Variants in NBAS observed in about 807,000 individuals in gnomAD.
The protein encoded by NBAS is NBAS subunit of NRZ tethering complex, also known as NAG/BC035112 fusion.
In NBAS, 219 loss-of-function variants were observed where a neutral mutation model predicts 302.5. The observed-to-expected ratio is 0.72, with a 90% CI of 0.65 to 0.81. The LOEUF is 0.81. Among genes scored for constraint, NBAS ranks in the 30% least tolerant of loss-of-function variants. The pLI is 0.00. For synonymous variants in NBAS, 1,118 were observed against 1,021.6 expected (o/e 1.09, Z -1.80); for missense variants, 2,932 against 2,841.6 (o/e 1.03, Z -0.72).
intron 44 of NBAS, among the ~76,000 whole-genome samples, chr2:15,241,290 T>C (rs895918680): frequency 1.3e-5 from 2 of 152,168 alleles, no homozygotes; most frequent in African/African-American, 4.8e-5. Flanking sequence ...TCCTAGCCTA[T>C]TGTGTGATAT....
intron 21 of NBAS, among the ~76,000 whole-genome samples, chr2:15,430,822 T>A (rs1420336738): frequency 6.6e-6 from 1 of 152,040 alleles, no homozygotes; most frequent in Non-Finnish European, 1.5e-5. Context: ...TTTTTTCTTT[T>A]TTGAGATGGA....
chr2:15,513,619 CA>C (rs1478354395), intron 9 of NBAS, among the ~76,000 whole-genome samples: 3 of 145,266 alleles, frequency 2.1e-5, no homozygotes, highest in Admixed American at 2.0e-4. Context: ...TTTTTTTTTT[CA>C]GAACCCACAC....
At chr2:14,855,738 A>C in the NBAS span, among the ~76,000 whole-genome samples, 1 of 152,172 alleles carries the variant, frequency 6.6e-6, no homozygotes, top group African/African-American at 2.4e-5. Flanking sequence ...TTTGACTGCC[A>C]GGTCAGGCAC....
intron 47 of NBAS, among the ~76,000 whole-genome samples, chr2:15,220,041 C>A (rs1282866576): frequency 2.0e-5 from 3 of 146,454 alleles, no homozygotes; most frequent in Non-Finnish European, 4.5e-5. Flanking sequence ...CTGATCCCCC[C>A]ACCTCCCTCC....
intron 32 of NBAS, among the ~76,000 whole-genome samples, chr2:15,358,977 T>G (rs1673763616): frequency 6.6e-6 from 1 of 152,160 alleles, no homozygotes; most frequent in South Asian, 2.1e-4. Flanking sequence ...CTAACTGAAT[T>G]TATCTTATCT....
intron 48 of NBAS, among the ~76,000 whole-genome samples, chr2:15,198,053 C>T (rs931733215): frequency 3.3e-5 from 5 of 152,184 alleles, no homozygotes; most frequent in Non-Finnish European, 7.4e-5. Context: ...AAAATGAACA[C>T]ACACAAAGTA....
chr2:15,076,611 C>T, the NBAS span, among the ~76,000 whole-genome samples: 14 of 152,272 alleles, frequency 9.2e-5, no homozygotes, highest in Admixed American at 5.9e-4. Flanking sequence ...CATGTCACTG[C>T]GGCATTGAGC....
At chr2:15,535,423 G>A (rs201905253) in intron 8 of NBAS, among the ~76,000 whole-genome samples, 1 of 152,010 alleles carries the variant, frequency 6.6e-6, no homozygotes, top group East Asian at 1.9e-4. Flanking sequence ...TTGAGACACT[G>A]AGGCAGGAGA....
At chr2:14,968,717 G>A in the NBAS span, among the ~76,000 whole-genome samples, 1 of 152,180 alleles carries the variant, frequency 6.6e-6, no homozygotes, top group East Asian at 1.9e-4. Context: ...AGAATGAGGA[G>A]AAATTGGAAC....
chr2:15,369,524 G>C (rs984676073), intron 31 of NBAS, among the ~76,000 whole-genome samples: 3 of 152,130 alleles, frequency 2.0e-5, no homozygotes, highest in African/African-American at 7.2e-5. Flanking sequence ...ATTTACTTAC[G>C]TATTTTCTGA....
the NBAS span, among the ~76,000 whole-genome samples, chr2:14,792,675 TA>T: frequency 0.057 from 8,298 of 146,608 alleles, 236 homozygotes; most frequent in Non-Finnish European, 0.062. Context: ...CTATGGAAAT[TA>T]AAAAAAAAAA....
the NBAS span, among the ~76,000 whole-genome samples, chr2:15,159,803 GCACACA>G: frequency 0.014 from 2,093 of 147,398 alleles, 29 homozygotes; most frequent in East Asian, 0.047. Flanking sequence ...ACACACGCGT[GCACACA>G]CACACACACA....
At chr2:15,383,181 A>G (rs778349038) in intron 29 of NBAS, 34 bp downstream of exon 29, 9 of 1,502,522 alleles carry the variant, frequency 6.0e-6, no homozygotes, top group Non-Finnish European at 8.2e-6. Flanking sequence ...AAATTGTTAA[A>G]TTAAAAAAAA....
At chr2:15,034,468 C>T in the NBAS span, among the ~76,000 whole-genome samples, 7,880 of 152,048 alleles carry the variant, frequency 0.052, 446 homozygotes, top group African/African-American at 0.12. Context: ...GCTTTCAGAA[C>T]TGTGAAAAAT....
intron 28 of NBAS, among the ~76,000 whole-genome samples, chr2:15,388,598 G>T (rs1322708359): frequency 2.6e-5 from 4 of 152,004 alleles, no homozygotes. Context: ...TTGAACTCAG[G>T]TACATCCTAT....
At chr2:15,434,583 G>A (rs1456605088) in intron 21 of NBAS, among the ~76,000 whole-genome samples, 4 of 152,138 alleles carry the variant, frequency 2.6e-5, no homozygotes, top group African/African-American at 4.8e-5. Flanking sequence ...TGTTATATAC[G>A]TAAAATGTTT....
the NBAS span, among the ~76,000 whole-genome samples, chr2:15,053,361 C>G: frequency 6.6e-6 from 1 of 152,176 alleles, no homozygotes; most frequent in Non-Finnish European, 1.5e-5. Context: ...CAGGAAGGAA[C>G]TCAGGGGCCC....
At chr2:14,929,158 C>T in the NBAS span, among the ~76,000 whole-genome samples, 2 of 152,134 alleles carry the variant, frequency 1.3e-5, no homozygotes, top group African/African-American at 4.8e-5. Context: ...CCATCCCAGA[C>T]TTACTGAATC....
At chr2:15,009,898 T>C in the NBAS span, among the ~76,000 whole-genome samples, 2 of 151,874 alleles carry the variant, frequency 1.3e-5, no homozygotes, top group African/African-American at 4.8e-5. Context: ...AACTCAGAGC[T>C]TACATAACAA....
Sources: allele counts gnomAD v4.1 joint callset (sites outside exome capture counted in the v4.1 genomes callset), GRCh38; gene constraint gnomAD v4.1.1; transcripts MANE v1.5; gene names NCBI Gene and HGNC (gene_info 2026-07-23, HGNC 2026-07-21).